SCAMP3: variants seen among roughly 807,000 people sequenced by gnomAD.
The protein encoded by SCAMP3 is secretory carrier membrane protein 3, also known as secretory carrier-associated membrane protein 3.
SCAMP3 carries 30 observed loss-of-function variants against 44.1 expected under a neutral mutation model. That is an observed-to-expected ratio of 0.68 (90% CI 0.51 to 0.92). The LOEUF (loss-of-function observed/expected upper bound fraction) is 0.92. SCAMP3 is among the 40% of genes least tolerant of loss of function. SCAMP3 has a pLI of 0.00. For missense variants in SCAMP3, 394 were observed against 440.0 expected, an observed-to-expected ratio of 0.90 and a Z score of 0.93; for synonymous variants, 168 against 171.1, an observed-to-expected ratio of 0.98 and a Z score of 0.14.
In SCAMP3 at chr1:155,260,464, G is replaced by C. The variant is rs1050234882; in HGVS notation, c.268-14C>G. 6.2e-7 allele frequency: 1 copy of C among 1,614,192 alleles called. No homozygotes were observed. Among genetic ancestry groups the C allele is most frequent in the Non-Finnish European group, 8.5e-7 (1 of 1,180,046 alleles). ...TGCAGCTGAGGCCTGCCCAGTGTGA[G>C]CAGACGGAGATGTGAGCCCTGGGCC... On this transcript the variant is annotated splice_polypyrimidine_tract_variant and intron_variant, in intron 3 of 8. Coordinates refer to ENST00000302631, the MANE Select transcript of SCAMP3 (RefSeq NM_005698.4).
chr1:155,261,489 G>A, intron 2 of SCAMP3, 168 bp downstream of exon 2: 2 of 677,436 alleles, frequency 3.0e-6, no homozygotes, highest in Non-Finnish European at 5.3e-6. Context: ...GGCCCTGGTG[G>A]CCCTAGAAGG....
At chr1:155,258,176 C>A (rs1483402501) in intron 5 of SCAMP3, among the ~76,000 whole-genome samples, 1 of 151,994 alleles carries the variant, frequency 6.6e-6, no homozygotes, top group African/African-American at 2.4e-5. Context: ...CCCGCCACCA[C>A]GCCCGGCTAA....
At position 155,258,972 on chromosome 1, in the gene SCAMP3, A is replaced by G. The variant is rs1260863939; in HGVS notation, c.389-18T>C. The G allele has an allele frequency of 1.2e-6, 2 of 1,605,856 alleles. No individual in the cohort carries two copies. The highest frequency in any genetic ancestry group is 1.7e-5 in the Admixed American group (1 of 58,604). Reference sequence around the variant, plus strand: ...CTGTCGAGCTGTAAGGCACAAAAAAACAGGTGGACCCCAGAAGTAAAACAG... The same window carrying G: ...CTGTCGAGCTGTAAGGCACAAAAAAGCAGGTGGACCCCAGAAGTAAAACAG... On this transcript the variant is annotated intron_variant, in intron 4 of 8. Transcript: ENST00000302631.
At chr1:155,256,490 A>C (rs929567045) in intron 8 of SCAMP3, 71 bp from the exon 9 acceptor site, 10 of 1,522,730 alleles carry the variant, frequency 6.6e-6, no homozygotes, top group Non-Finnish European at 9.0e-6. Context: ...TAACAGCATC[A>C]CTACCACTCA....
At position 155,257,568 on chromosome 1, in the gene SCAMP3, T is replaced by C. The variant is rs780280641; in HGVS notation, c.607A>G (p.Ile203Val). ...TNNGAGFGLSILWVLLFTPCS... is the reference protein window; with the variant it reads ...TNNGAGFGLSVLWVLLFTPCS... ...GGAGTGAAAAGGAGGACCCAGAGGA[T>C]AGAAAGCCCAAAGCCTGCGCCATTG... Residue 203 changes from isoleucine to valine, a missense_variant, in exon 6 of 9, where the codon ATC (isoleucine) becomes GTC (valine). Ile to Val is a conservative substitution (Grantham distance 29). Transcript: ENST00000302631. 16 of 1,607,430 alleles carry C rather than the reference T, an allele frequency of 1.0e-5. No individual in the cohort carries two copies. The highest frequency in any genetic ancestry group is 1.6e-4 in the Middle Eastern group (1 of 6,066).
chr1:155,256,741 A>G lies in SCAMP3; in HGVS notation c.830T>C (p.Val277Ala), dbSNP rs1339102950. 1 of 1,614,200 alleles carries G rather than the reference A, an allele frequency of 6.2e-7. No individual in the cohort carries two copies. The highest frequency in any genetic ancestry group is 1.1e-5 in the South Asian group (1 of 91,086). Residue 277 changes from valine (V) to alanine (A), a missense_variant, in exon 8 of 9, where the codon GTG (valine) becomes GCG (alanine). Physicochemically the swap from Val to Ala is moderately conservative, Grantham distance 64. Transcript: ENST00000302631. ...GAGCAGGGCGACCAGCAGCATGAGC[A>G]CGGATACTGCTGTGTTGCCCTTCGG... is the stretch of plus-strand genomic sequence containing the variant. ...VVPKGNTAVS[V>A]LMLLVALLFT...
chr1:155,256,247 C>G lies in SCAMP3; in HGVS notation c.*26G>C. 3 of 1,527,162 alleles carry G rather than the reference C, an allele frequency of 2.0e-6. No individual in the cohort carries two copies. Among genetic ancestry groups the G allele is most frequent in the Non-Finnish European group, 2.6e-6 (3 of 1,135,444 alleles). 94.6% of individuals were successfully genotyped at this position (1,527,162 alleles called of 1,614,324 possible). A position where few individuals can be genotyped will look rare whatever the true frequency, so the allele number is the denominator to read the frequency against. On this transcript the variant is annotated 3_prime_UTR_variant, in exon 9 of 9. Transcript: ENST00000302631. ...GAGCTAAGTCAGCTCCCTCAAGTAG[C>G]AGGGCCAGGGCATCCCAGTCAGGGG...
In SCAMP3 at chr1:155,262,316, GC is replaced by G; in HGVS notation, c.-166del. 2 of 636,714 alleles carry G rather than the reference GC, an allele frequency of 3.1e-6. No individual in the cohort carries two copies. Among genetic ancestry groups the G allele is most frequent in the Non-Finnish European group, 5.3e-6 (2 of 374,104 alleles). The allele number at this position is 636,714 out of a possible 1,614,324, so 39.4% of individuals were successfully genotyped here. A position where few individuals can be genotyped will look rare whatever the true frequency, so the allele number is the denominator to read the frequency against. On this transcript the variant is annotated 5_prime_UTR_variant, in exon 1 of 9. Coordinates refer to ENST00000302631, the MANE Select transcript of SCAMP3 (RefSeq NM_005698.4). ...AAGGGCCACAAGGATCCCCGCAGCA[GC>G]CGTGGGTTGCGCCTGCGTCTTGTCC... is the stretch of plus-strand genomic sequence containing the variant.
chr1:155,261,584 C>T (rs1672962877), intron 2 of SCAMP3, 73 bp downstream of exon 2: 1 of 1,362,010 alleles, frequency 7.3e-7, no homozygotes, highest in Non-Finnish European at 1.1e-6. Context: ...GAAAAGTCCC[C>T]TGTACCCAAG....
In SCAMP3 at chr1:155,261,639, T is replaced by C; in HGVS notation, c.144+18A>G. 1 of 1,609,654 alleles carries C rather than the reference T, an allele frequency of 6.2e-7. No individual in the cohort carries two copies. Among genetic ancestry groups the C allele is most frequent in the East Asian group, 2.2e-5 (1 of 44,874 alleles). On this transcript the variant is annotated intron_variant, in intron 2 of 8. Coordinates refer to ENST00000302631, the MANE Select transcript of SCAMP3 (RefSeq NM_005698.4). ...AACCCTTCCCTTCCTTGAACTCCTA[T>C]GCTCTCCAGTAGCTCACCTCCCGGG...
At chr1:155,260,882 C>G (rs1672940702) in intron 2 of SCAMP3, among the ~76,000 whole-genome samples, 1 of 151,634 alleles carries the variant, frequency 6.6e-6, no homozygotes, top group Admixed American at 6.6e-5. Context: ...GGACTCAAAT[C>G]ACTCATTTAC....
At chr1:155,257,728 T>A in intron 5 of SCAMP3, 71 bp from the exon 6 acceptor site, 1 of 1,393,990 alleles carries the variant, frequency 7.2e-7, no homozygotes, top group Admixed American at 2.1e-5. Flanking sequence ...TCTATGCTCA[T>A]CCTATAATAT....
rs1430484043 is a variant in SCAMP3, at chr1:155,257,500, G to C, written c.675C>G (p.Phe225Leu). 9.9e-6 allele frequency: 16 copies of C among 1,613,404 alleles called. No individual in the cohort carries two copies. Among genetic ancestry groups the C allele is most frequent in the African/African-American group, 1.3e-5 (1 of 74,912 alleles). The change falls in exon 6 of 9, where the codon TTC becomes TTG. Residue 225 changes from phenylalanine (F) to leucine (L), a missense_variant and splice_region_variant. Coordinates refer to ENST00000302631, the MANE Select transcript of SCAMP3 (RefSeq NM_005698.4). ...VCWYRPMYKAFRSDSSFNFFV... is the reference protein window; with the variant it reads ...VCWYRPMYKALRSDSSFNFFV... ...TCTCCCACCACTAACACACTTACCG[G>C]AAAGCCTTATACATGGGGCGGTACC...
rs1672785171 is a variant in SCAMP3, at chr1:155,256,211, C to T, written c.*62G>A. ...TGATGTCTCTCCAAGTCCCAGAGAC[C>T]TTAGGGACGGGAGCTAAGTCAGCTC... On this transcript the variant is annotated 3_prime_UTR_variant, in exon 9 of 9. Coordinates refer to ENST00000302631, the MANE Select transcript of SCAMP3 (RefSeq NM_005698.4). The T allele has an allele frequency of 2.7e-6, 4 of 1,488,304 alleles. No homozygotes were observed. The highest frequency in any genetic ancestry group is 3.6e-6 in the Non-Finnish European group (4 of 1,110,424). The allele number at this position is 1,488,304 out of a possible 1,614,324, so 92.2% of individuals were successfully genotyped here. A position where few individuals can be genotyped will look rare whatever the true frequency, so the allele number is the denominator to read the frequency against.
chr1:155,256,888 T>C (rs1158365815), intron 7 of SCAMP3, 97 bp from the exon 8 acceptor site: 2 of 878,818 alleles, frequency 2.3e-6, no homozygotes, highest in African/African-American at 3.3e-5. Flanking sequence ...CCATCAGCAG[T>C]GGCTCCCTGT....
At position 155,260,541 on chromosome 1, in the gene SCAMP3, G is replaced by A; in HGVS notation, c.263C>T (p.Thr88Ile). 1 of 1,614,198 alleles carries A rather than the reference G, an allele frequency of 6.2e-7. No homozygotes were observed. The highest frequency in any genetic ancestry group is 8.5e-7 in the Non-Finnish European group (1 of 1,180,036). Reference protein sequence around the residue: ...TEPKNYGSYSTQASAAAATAE... With the variant: ...TEPKNYGSYSIQASAAAATAE... ...TCACCTGCACACCTCCTGTACCTGA[G>A]TGCTGTATGAGCCATAGTTCTTAGG... is the stretch of plus-strand genomic sequence containing the variant. Residue 88 changes from threonine (T) to isoleucine (I), a missense_variant, in exon 3 of 9, where the codon ACT (threonine) becomes ATT (isoleucine). Physicochemically the swap from Thr to Ile is moderately conservative, Grantham distance 89 (BLOSUM62 -1). Transcript: ENST00000302631.
At chr1:155,261,851 T>C in intron 1 of SCAMP3, 117 bp from the exon 2 acceptor site, 1 of 998,514 alleles carries the variant, frequency 1.0e-6, no homozygotes, top group South Asian at 1.3e-5. Flanking sequence ...CACGCCGTTG[T>C]CCCAGGACTG....
intron 1 of SCAMP3, 42 bp from the exon 2 acceptor site, chr1:155,261,776 C>G: frequency 6.4e-7 from 1 of 1,569,804 alleles, no homozygotes; most frequent in African/African-American, 1.3e-5. Flanking sequence ...CCCAGTGCCA[C>G]CTAGGGGAAT....
chr1:155,256,867 T>G, intron 7 of SCAMP3, 76 bp from the exon 8 acceptor site: 1 of 1,165,876 alleles, frequency 8.6e-7, no homozygotes, highest in Non-Finnish European at 1.3e-6. Flanking sequence ...CATCCCCTGT[T>G]CCTACCCTTC....
Sources: allele counts gnomAD v4.1 joint callset (sites outside exome capture counted in the v4.1 genomes callset), GRCh38; gene constraint gnomAD v4.1.1; transcripts MANE v1.5; gene names NCBI Gene and HGNC (gene_info 2026-07-23, HGNC 2026-07-21).